The following JAK3 variants were observed in gnomAD, a reference collection of about 807,000 sequenced individuals.
JAK3 encodes the protein Janus kinase 3.
JAK3 carries 88 observed loss-of-function variants against 120.8 expected under a neutral mutation model. The observed-to-expected ratio is 0.73, with a 90% CI of 0.61 to 0.87. JAK3 has a LOEUF of 0.87. Among genes scored for constraint, JAK3 ranks in the 40% least tolerant of loss-of-function variants. JAK3 has a pLI of 0.00. For missense variants in JAK3, 1,254 were observed against 1,501.4 expected (o/e 0.84, Z 2.72); for synonymous variants, 592 against 628.6 (o/e 0.94, Z 0.87).
In JAK3 at chr19:17,842,826, C is replaced by A; in HGVS notation, c.566+201G>T. ...ACAGGTCGGACAGGGACCCCACAGG[C>A]CTTTTAGCTGGGGGAGGTCAGGTGT... On this transcript the variant is annotated intron_variant, in intron 5 of 23. Transcript: ENST00000458235. The surrounding 1 kb of genome is among the most constrained non-coding windows in gnomAD (Gnocchi z 6.4). 1 of 865,810 alleles carries A rather than the reference C, an allele frequency of 1.2e-6. No homozygotes were observed. Among genetic ancestry groups the A allele is most frequent in the Admixed American group, 2.2e-5 (1 of 45,282 alleles). The allele number at this position is 865,810 out of a possible 1,614,324, so 53.6% of individuals were successfully genotyped here. A position where few individuals can be genotyped will look rare whatever the true frequency, so the allele number is the denominator to read the frequency against.
rs1416138382 is a variant in JAK3 at position 17,842,162 on chromosome 19, T to G, written c.861+154A>C. Among the ~76,000 whole-genome samples, 2 of 148,494 alleles carry G rather than the reference T, an allele frequency of 1.3e-5. No individual in the cohort carries two copies. The highest frequency in any genetic ancestry group is 3.0e-5 in the Non-Finnish European group (2 of 67,344). ...CAGTTTGCCCCTCCCATTCCCGCAGTCTCCTCCCTCACTAAGCCCCGCCCC... is the reference window on the plus strand; with the variant it reads ...CAGTTTGCCCCTCCCATTCCCGCAGGCTCCTCCCTCACTAAGCCCCGCCCC... On this transcript the variant is annotated intron_variant, in intron 6 of 23. Transcript: ENST00000458235. The surrounding 1 kb of genome is among the most constrained non-coding windows in gnomAD (Gnocchi z 6.4).
chr19:17,837,086 T>C (rs2094225831), intron 13 of JAK3, 43 bp downstream of exon 13: 1 of 858,204 alleles, frequency 1.2e-6, no homozygotes, highest in Admixed American at 4.7e-5. Flanking sequence ...CAGCCTAGAC[T>C]TGGGTGAGGC....
At chr19:17,839,052 C>T in intron 10 of JAK3, 1 of 345,778 alleles carries the variant, frequency 2.9e-6, no homozygotes, top group South Asian at 2.2e-5. Context: ...CCAGAAAGCC[C>T]CCATAGGGAT....
intron 10 of JAK3, 126 bp from the exon 11 acceptor site, chr19:17,838,516 A>T (rs2094229973): frequency 9.8e-7 from 1 of 1,020,112 alleles, no homozygotes; most frequent in Admixed American, 1.9e-5. Context: ...ACTTCAGGGC[A>T]CATGGCTTTT....
At chr19:17,830,071 C>G in intron 23 of JAK3, 37 bp downstream of exon 23, 7 of 1,474,954 alleles carry the variant, frequency 4.7e-6, no homozygotes, top group Non-Finnish European at 6.5e-6. Context: ...GCCCAATCTA[C>G]AGACTGGGAA....
Position 17,830,246 on chromosome 19 carries a change from G to A in JAK3, c.3097-28C>T, listed in dbSNP as rs199656468. 7.2e-6 allele frequency: 11 copies of A among 1,530,046 alleles called. No homozygotes were observed. The African/African-American group carries it at 9.6e-5, about 13-fold the overall frequency. 94.8% of individuals were successfully genotyped at this position (1,530,046 alleles called of 1,614,324 possible). On this transcript the variant is annotated intron_variant, in intron 22 of 23. Coordinates refer to ENST00000458235, the MANE Select transcript of JAK3 (RefSeq NM_000215.4). ...GGAGCCAAGGAGGAGCGCATGTGGT[G>A]GGGGAGGAGCCTCCGTGGGTGGAGG...
Position 17,829,938 on chromosome 19 carries a change from G to C in JAK3, c.3207+170C>G, listed in dbSNP as rs1599865624. On this transcript the variant is annotated intron_variant, in intron 23 of 23. Coordinates refer to ENST00000458235, the MANE Select transcript of JAK3 (RefSeq NM_000215.4). ...AAGGGTAAACTGAGGCTCTGAAAGT[G>C]CTCTGACTTGCCACACAGTGAGAGA... 18 of 673,600 alleles carry C rather than the reference G, an allele frequency of 2.7e-5. No individual in the cohort carries two copies. The East Asian group carries it at 4.9e-4, about 18-fold the overall frequency. 41.7% of individuals were successfully genotyped at this position (673,600 alleles called of 1,614,324 possible). A position where few individuals can be genotyped will look rare whatever the true frequency, so the allele number is the denominator to read the frequency against.
rs1194366777 is a variant in JAK3, at chr19:17,843,043, G to A, written c.550C>T (p.Leu184=). The A allele has an allele frequency of 1.2e-6, 2 of 1,610,604 alleles. No individual in the cohort carries two copies. Among genetic ancestry groups the A allele is most frequent in the Admixed American group, 3.3e-5 (2 of 60,014 alleles). The stretch of plus-strand genomic sequence containing the variant: ...GGCTCTCACCTGACAGTCTTCAGCA[G>A]CTCTCCCGGCCGCTGGGCCTGCTCT... ...AREQAQRPGE[L]LKTVSYKACL... is the part of the protein sequence containing the mutation. Residue 184 remains leucine (L), a synonymous_variant, in exon 5 of 24, where the codon CTG becomes TTG. Coordinates refer to ENST00000458235, the MANE Select transcript of JAK3 (RefSeq NM_000215.4). This position sits in a 1 kb window ranked among gnomAD's most constrained non-coding sequence, Gnocchi z 5.4.
At position 17,832,411 on chromosome 19, in the gene JAK3, C is replaced by A; in HGVS notation, c.2680+108G>T. The A allele has an allele frequency of 9.1e-7, 1 of 1,095,174 alleles. No homozygotes were observed. The highest frequency in any genetic ancestry group is 1.4e-6 in the Non-Finnish European group (1 of 713,916). The allele number at this position is 1,095,174 out of a possible 1,614,324, so 67.8% of individuals were successfully genotyped here. Reference sequence around the variant, plus strand: ...ACCTGTAACCCATGTGAATCTGGATCAATAATCACGTTCCCAGCCTACCTA... The same window carrying A: ...ACCTGTAACCCATGTGAATCTGGATAAATAATCACGTTCCCAGCCTACCTA... On this transcript the variant is annotated intron_variant, in intron 19 of 23. Coordinates refer to ENST00000458235, the MANE Select transcript of JAK3 (RefSeq NM_000215.4). This position sits in a 1 kb window ranked among gnomAD's most constrained non-coding sequence, Gnocchi z 4.7.
At position 17,835,184 on chromosome 19, in the gene JAK3, G is replaced by A. The variant is rs1473941428; in HGVS notation, c.1946C>T (p.Ser649Phe). 1.9e-6 allele frequency: 3 copies of A among 1,614,228 alleles called. No homozygotes were observed. Among genetic ancestry groups the A allele is most frequent in the Non-Finnish European group, 2.5e-6 (3 of 1,180,048 alleles). The change falls in exon 15 of 24, where the codon TCT becomes TTT. Residue 649 changes from serine (S) to phenylalanine (F), a missense_variant. Physicochemically the swap from Ser to Phe is radical, Grantham distance 155. Transcript: ENST00000458235. ...CCGAGCCAGGAGCACCTTCCGGGCA[G>A]AGACATTGCCATGGGGCAGGCCTTT... is the stretch of plus-strand genomic sequence containing the variant. ...EDKGLPHGNV[S>F]ARKVLLAREG...
At chr19:17,836,651 G>C (rs2094224847) in intron 13 of JAK3, 2 of 405,578 alleles carry the variant, frequency 4.9e-6, no homozygotes, top group South Asian at 5.0e-5. Context: ...ATCCACACTT[G>C]TCCTTATCTT....
intron 23 of JAK3, among the ~76,000 whole-genome samples, chr19:17,829,017 G>A (rs548102438): frequency 4.6e-5 from 7 of 152,024 alleles, no homozygotes; most frequent in African/African-American, 1.4e-4. Context: ...AATTAGCCAG[G>A]CACAGTGGCT....
Position 17,842,755 on chromosome 19 carries a change from A to G in JAK3, c.567-145T>C. The G allele has an allele frequency of 2.1e-6, 2 of 945,246 alleles. No individual in the cohort carries two copies. 58.6% of individuals were successfully genotyped at this position (945,246 alleles called of 1,614,324 possible). The stretch of plus-strand genomic sequence containing the variant: ...CACACACAGACTCTCATTCAGGGTC[A>G]GGTATGAGGACCGGACCTCAGAGTA... On this transcript the variant is annotated intron_variant, in intron 5 of 23. Coordinates refer to ENST00000458235, the MANE Select transcript of JAK3 (RefSeq NM_000215.4). The surrounding 1 kb of genome is among the most constrained non-coding windows in gnomAD (Gnocchi z 6.4).
rs3212798 is a variant in JAK3 at position 17,826,949 on chromosome 19, C to T, written c.3208-39G>A. 292,701 of 1,594,644 alleles carry T rather than the reference C, an allele frequency of 0.18. 30,104 individuals carry two copies. The highest frequency in any genetic ancestry group is 0.42 in the African/African-American group (31,148 of 74,760). On this transcript the variant is annotated intron_variant, in intron 23 of 23. Coordinates refer to ENST00000458235, the MANE Select transcript of JAK3 (RefSeq NM_000215.4). ...GACAGATAATGGGGTCGTGCCTGAGCAGTCCAAAGGACACAACTCCCATTC... is the reference window on the plus strand; with the variant it reads ...GACAGATAATGGGGTCGTGCCTGAGTAGTCCAAAGGACACAACTCCCATTC...
chr19:17,837,077 A>C (rs891418667), intron 13 of JAK3, 52 bp downstream of exon 13: 2 of 1,059,904 alleles, frequency 1.9e-6, no homozygotes, highest in Non-Finnish European at 2.6e-6. Flanking sequence ...TGGGAAGAAC[A>C]GCCTAGACTT....
rs3212742 is a variant in JAK3 at position 17,840,210 on chromosome 19, C to T, written c.1254+20G>A. On this transcript the variant is annotated intron_variant, in intron 9 of 23. Coordinates refer to ENST00000458235, the MANE Select transcript of JAK3 (RefSeq NM_000215.4). ...CTCCTCCAGGCAGCCCTCCACTACC[C>T]ACCCTAGCAGTAGACCGACCTGGAC... 4,219 of 1,553,334 alleles carry T rather than the reference C, an allele frequency of 2.7e-3. 86 individuals are homozygous for T. The African/African-American group carries it at 0.048, about 18-fold the overall frequency.
At position 17,836,020 on chromosome 19, in the gene JAK3, C is replaced by T. The variant is rs2094223475; in HGVS notation, c.1818G>A (p.Gly606=). 1 of 1,613,880 alleles carries T rather than the reference C, an allele frequency of 6.2e-7. No individual in the cohort carries two copies. Among genetic ancestry groups the T allele is most frequent in the Non-Finnish European group, 8.5e-7 (1 of 1,180,042 alleles). ...STMVQEFVHL[G]AIDMYLRKRG... is the part of the protein sequence containing the mutation. Reference sequence around the variant, plus strand: ...GTTTTCGCAGATACATGTCTATGGCCCCCAGGTGTACAAATTCCTGCACCA... The same window carrying T: ...GTTTTCGCAGATACATGTCTATGGCTCCCAGGTGTACAAATTCCTGCACCA... The change falls in exon 14 of 24, where the codon GGG becomes GGA. Residue 606 remains glycine (G), a synonymous_variant. Coordinates refer to ENST00000458235, the MANE Select transcript of JAK3 (RefSeq NM_000215.4).
rs763102720 is a variant in JAK3, at chr19:17,841,708, C to T, written c.916G>A (p.Ala306Thr). 9 of 1,613,130 alleles carry T rather than the reference C, an allele frequency of 5.6e-6. No homozygotes were observed. In the East Asian group the frequency reaches 8.9e-5, roughly 16 times the overall value. ...TCTCCGGCCGGGCCAACGCGCGGGG[C>T]CTGCTTGATGCTAATGTCTACGATT... ...PEIVDISIKQ[A>T]PRVGPAGEHR... The change falls in exon 7 of 24, where the codon GCC becomes ACC. Residue 306 changes from alanine to threonine, a missense_variant. Ala to Thr is a moderately conservative substitution (Grantham distance 58). Coordinates refer to ENST00000458235, the MANE Select transcript of JAK3 (RefSeq NM_000215.4). The surrounding 1 kb of genome is among the most constrained non-coding windows in gnomAD (Gnocchi z 4.1).
intron 1 of JAK3, among the ~76,000 whole-genome samples, chr19:17,845,978 C>T (rs988391142): frequency 9.2e-5 from 14 of 151,928 alleles, no homozygotes; most frequent in Admixed American, 6.6e-5. Context: ...CCACCATGCC[C>T]GGCTAATTTT....
Sources: allele counts gnomAD v4.1 joint callset (sites outside exome capture counted in the v4.1 genomes callset), GRCh38; gene constraint gnomAD v4.1.1; non-coding constraint Gnocchi (gnomAD v3.1); transcripts MANE v1.5; gene names NCBI Gene and HGNC (gene_info 2026-07-23, HGNC 2026-07-21).